The following SACS variants were observed in gnomAD, a reference collection of about 807,000 sequenced individuals.
SACS encodes the protein sacsin molecular chaperone.
A neutral mutation model predicts 348.0 loss-of-function variants in SACS; 197 were observed. That is an observed-to-expected ratio of 0.57 (90% confidence interval 0.50 to 0.64). The LOEUF (loss-of-function observed/expected upper bound fraction) is 0.64, where lower values mean the gene tolerates loss of function less well. Among genes scored for constraint, SACS ranks in the 30% least tolerant of loss-of-function variants. The pLI is 0.00. For synonymous variants in SACS, 1,985 were observed against 1,910.6 expected (o/e 1.04, Z -1.02); for missense variants, 4,999 against 5,360.8 (o/e 0.93, Z 2.11).
At chr13:23,343,205 GTTTC>G (rs1375911326) in intron 9 of SACS, among the ~76,000 whole-genome samples, 2 of 152,112 alleles carry the variant, frequency 1.3e-5, no homozygotes, top group Non-Finnish European at 2.9e-5. Flanking sequence ...GAAATTAACA[GTTTC>G]TTTCTAAGTG....
rs368043113 is a variant in SACS at position 23,354,999 on chromosome 13, G to A, written c.1613C>T (p.Ala538Val). The change falls in exon 8 of 10, where the codon GCG becomes GTG. Residue 538 changes from alanine (A) to valine (V), a missense_variant. By Grantham distance (64) the Ala-to-Val change is moderately conservative. Coordinates refer to ENST00000382292, the MANE Select transcript of SACS (RefSeq NM_014363.6). Reference protein sequence around the residue: ...VDVIYKLWPEASKVKVHWQPV... With the variant: ...VDVIYKLWPEVSKVKVHWQPV... ...TTGCCAGTGCACCTTGACTTTGCTCGCCTCCGGCCAAAGCTTATAGATAAC... is the reference window on the plus strand; with the variant it reads ...TTGCCAGTGCACCTTGACTTTGCTCACCTCCGGCCAAAGCTTATAGATAAC... The A allele has an allele frequency of 1.7e-4, 278 of 1,614,050 alleles. No individual in the cohort carries two copies. The highest frequency in any genetic ancestry group is 2.2e-4 in the Non-Finnish European group (256 of 1,180,040).
chr13:23,366,288 C>T (rs992090204), intron 5 of SACS, among the ~76,000 whole-genome samples: 5 of 152,172 alleles, frequency 3.3e-5, no homozygotes, highest in Non-Finnish European at 7.3e-5. Context: ...AGTGAAAAGT[C>T]AGTTCTGAGA....
intron 2 of SACS, among the ~76,000 whole-genome samples, chr13:23,385,682 C>G (rs1280908179): frequency 6.6e-6 from 1 of 152,168 alleles, no homozygotes; most frequent in African/African-American, 2.4e-5. Flanking sequence ...TTAATGGAAT[C>G]TAGAATGGTG....
intron 2 of SACS, among the ~76,000 whole-genome samples, chr13:23,385,863 ACGATATTCATCGC>A (rs1872273294): frequency 2.0e-5 from 3 of 152,236 alleles, no homozygotes; most frequent in Admixed American, 1.3e-4. Context: ...CAGGCAGGAA[ACGATATTCATCGC>A]CTTGTACTTC....
At chr13:23,405,676 G>C (rs1389294301) in intron 2 of SACS, among the ~76,000 whole-genome samples, 1 of 151,430 alleles carries the variant, frequency 6.6e-6, no homozygotes, top group Non-Finnish European at 1.5e-5. Flanking sequence ...GAATCTACAA[G>C]GAACTTAAAC....
intron 1 of SACS, among the ~76,000 whole-genome samples, chr13:23,430,480 A>G (rs1874391046): frequency 6.6e-6 from 1 of 152,216 alleles, no homozygotes; most frequent in South Asian, 2.1e-4. Flanking sequence ...GTCTTATGCA[A>G]TATTTTTTGT....
At chr13:23,431,318 C>G (rs1593188752) in intron 1 of SACS, among the ~76,000 whole-genome samples, 1 of 152,344 alleles carries the variant, frequency 6.6e-6, no homozygotes, top group East Asian at 1.9e-4. Flanking sequence ...GAGCCACACC[C>G]TTTGGTCCCC....
chr13:23,338,246 C>A lies in SACS; in HGVS notation c.5630G>T (p.Arg1877Leu), dbSNP rs772866081. ...ATGAACTGGCAAGCCTGTTTTTATT[C>A]GTAAAGGTAAATAGCAAAACACCTC... Reference protein sequence around the residue: ...IGEVFCYLPLRIKTGLPVHIN... With the variant: ...IGEVFCYLPLLIKTGLPVHIN... Residue 1877 changes from arginine (R) to leucine (L), a missense_variant, in exon 10 of 10, where the codon CGA (arginine) becomes CTA (leucine). Around this residue, in one of 6 missense-constraint regions of SACS, gnomAD observed 3,156 missense variants for 3,380.1 expected, o/e 0.93. Transcript: ENST00000382292. The A allele has an allele frequency of 6.2e-7, 1 of 1,614,006 alleles. No individual in the cohort carries two copies.
intron 9 of SACS, among the ~76,000 whole-genome samples, chr13:23,352,112 C>A (rs1193421068): frequency 6.6e-6 from 1 of 152,246 alleles, no homozygotes; most frequent in Non-Finnish European, 1.5e-5. Flanking sequence ...ACAGAATGCT[C>A]TGCTGACCTT....
At position 23,414,649 on chromosome 13, in the gene SACS, T is replaced by C. The variant is rs924494015; in HGVS notation, c.-501-2909A>G. On this transcript the variant is annotated intron_variant, in intron 1 of 9. Transcript: ENST00000382292. ...CACTGCTAAACAGCATAGAGCTCTG[T>C]GGCAAATTATTAAATTTTACTCCCC... Among the ~76,000 whole-genome samples, 47 of 152,248 alleles carry C rather than the reference T, an allele frequency of 3.1e-4. 1 individual carries two copies. Among genetic ancestry groups the C allele is most frequent in the Non-Finnish European group, 1.6e-4 (11 of 68,038 alleles).
Position 23,329,446 on chromosome 13 carries a change from T to C in SACS, c.*690A>G. On this transcript the variant is annotated 3_prime_UTR_variant, in exon 10 of 10. Coordinates refer to ENST00000382292, the MANE Select transcript of SACS (RefSeq NM_014363.6). ...CAACTGGTAATAAGAACTGCCACCA[T>C]TTTGAGTTTTCCGTTGCTATCTTCA... The C allele has an allele frequency of 1.3e-6, 1 of 769,392 alleles. No individual in the cohort carries two copies. The highest frequency in any genetic ancestry group is 1.4e-5 in the South Asian group (1 of 71,926). The allele number at this position is 769,392 out of a possible 1,614,324, so 47.7% of individuals were successfully genotyped here.
In SACS at chr13:23,340,572, C is replaced by T. The variant is rs764907113; in HGVS notation, c.3304G>A (p.Asp1102Asn). The change falls in exon 10 of 10, where the codon GAT becomes AAT. Residue 1102 changes from aspartate (D) to asparagine (N), a missense_variant. Asp to Asn is a conservative substitution (Grantham distance 23). Around this residue, in one of 6 missense-constraint regions of SACS, gnomAD observed 3,156 missense variants for 3,380.1 expected, o/e 0.93. Transcript: ENST00000382292. ...LKNEASLKEK[D>N]VVQVAKKIEA... The stretch of plus-strand genomic sequence containing the variant: ...ATTTTTTTTGCCACTTGCACAACAT[C>T]CTTTTCTTTGAGACTGGCTTCGTTT... 1 of 1,613,698 alleles carries T rather than the reference C, an allele frequency of 6.2e-7. No individual in the cohort carries two copies. Among genetic ancestry groups the T allele is most frequent in the South Asian group, 1.1e-5 (1 of 90,978 alleles).
chr13:23,356,938 T>C (rs1870427853), intron 7 of SACS, among the ~76,000 whole-genome samples: 1 of 152,332 alleles, frequency 6.6e-6, no homozygotes, highest in Non-Finnish European at 1.5e-5. Context: ...GCTAAATCCA[T>C]GGACAGTGGG....
At chr13:23,372,674 C>G (rs1239261346) in intron 3 of SACS, among the ~76,000 whole-genome samples, 1 of 152,306 alleles carries the variant, frequency 6.6e-6, no homozygotes, top group Middle Eastern at 3.4e-3. Flanking sequence ...GTCTCACCAA[C>G]AGCTGAACTA....
chr13:23,386,958 G>C lies in SACS; in HGVS notation c.21-11689C>G, dbSNP rs551560571. Among the ~76,000 whole-genome samples, 8 of 152,188 alleles carry C rather than the reference G, an allele frequency of 5.3e-5. No homozygotes were observed. In the South Asian group the frequency reaches 1.7e-3, roughly 32 times the overall value. On this transcript the variant is annotated intron_variant, in intron 2 of 9. Coordinates refer to ENST00000382292, the MANE Select transcript of SACS (RefSeq NM_014363.6). The stretch of plus-strand genomic sequence containing the variant: ...TTACTGTCTTATTTGGGCACAGTTC[G>C]TGGCACCCCAAAACAATTACAATAG...
chr13:23,340,676 T>C lies in SACS; in HGVS notation c.3200A>G (p.Asn1067Ser), dbSNP rs371219067. 6.9e-6 allele frequency: 11 copies of C among 1,595,186 alleles called. No homozygotes were observed. The highest frequency in any genetic ancestry group is 2.7e-5 in the African/African-American group (2 of 73,830). Residue 1067 changes from asparagine (N) to serine (S), a missense_variant, in exon 10 of 10, where the codon AAT becomes AGT. Asn to Ser is a conservative substitution (Grantham distance 46). This residue lies in a region of SACS where 3,156 missense variants were observed against 3,380.1 expected (regional missense o/e 0.93). Transcript: ENST00000382292. ...GGGTGGGAAATAGGTTCCTTCTTCA[T>C]TACAAAAGAGATCCTTTAGTACTTC... ...DIEVLKDLFC[N>S]EEGTYFPPSV...
chr13:23,339,411 T>G lies in SACS; in HGVS notation c.4465A>C (p.Asn1489His), dbSNP rs745768554. The G allele has an allele frequency of 5.6e-6, 9 of 1,610,034 alleles. No individual in the cohort carries two copies. The highest frequency in any genetic ancestry group is 3.4e-5 in the Admixed American group (2 of 59,300). Residue 1489 changes from asparagine (N) to histidine (H), a missense_variant, in exon 10 of 10, where the codon AAT becomes CAT. Asn to His is a moderately conservative substitution (Grantham distance 68, BLOSUM62 1). Transcript: ENST00000382292. ...ATCAAGAAACTGCATTCTGTTGCAT[T>G]TGCATCATCAGCGTTTTGAAGTAGT... ...KELLQNADDA[N>H]ATECSFLIDM...
At chr13:23,413,733 ATGAG>A (rs1439528046) in intron 1 of SACS, among the ~76,000 whole-genome samples, 1 of 152,222 alleles carries the variant, frequency 6.6e-6, no homozygotes, top group Admixed American at 6.5e-5. Flanking sequence ...ACTAGGCATC[ATGAG>A]TGAGATTAAT....
At chr13:23,404,155 T>A (rs948540827) in intron 2 of SACS, among the ~76,000 whole-genome samples, 3 of 152,176 alleles carry the variant, frequency 2.0e-5, no homozygotes, top group African/African-American at 7.2e-5. Context: ...GAGGAGTGTT[T>A]CACTTCCAAT....
Sources: gnomAD v4.1 joint callset for allele counts (sites outside exome capture counted in the v4.1 genomes callset) on GRCh38, gnomAD v4.1.1 for gene constraint, gnomAD v4.1.1 regional missense constraint, MANE v1.5 for transcripts, NCBI Gene and HGNC (gene_info 2026-07-23, HGNC 2026-07-21) for gene names.